HSP90AA1: variants seen among roughly 807,000 people sequenced by gnomAD.
The protein encoded by HSP90AA1 is heat shock protein HSP 90-alpha.
A neutral mutation model predicts 73.3 loss-of-function variants in HSP90AA1; 18 were observed. The observed-to-expected ratio is 0.25, with a 90% CI of 0.17 to 0.36. HSP90AA1 has a LOEUF of 0.36. HSP90AA1 is among the 10% of genes least tolerant of loss of function. The pLI is 1.00. For synonymous variants in HSP90AA1, 477 were observed against 296.9 expected (o/e 1.61, Z -6.24); for missense variants, 704 against 874.2 (o/e 0.81, Z 2.45).
chr14:102,135,213 C>T (rs1461706308), intron 1 of HSP90AA1, among the ~76,000 whole-genome samples: 1 of 152,034 alleles, frequency 6.6e-6, no homozygotes, highest in East Asian at 1.9e-4. Flanking sequence ...CAGCTAGATA[C>T]AGAGTGTGGA....
intron 1 of HSP90AA1, among the ~76,000 whole-genome samples, chr14:102,111,681 T>C (rs1190761766): frequency 6.6e-6 from 1 of 152,236 alleles, no homozygotes; most frequent in East Asian, 1.9e-4. Flanking sequence ...GGTTTAGTTA[T>C]AAGCTGGAAT....
chr14:102,113,281 C>T (rs1192299050), intron 1 of HSP90AA1, among the ~76,000 whole-genome samples: 1 of 152,122 alleles, frequency 6.6e-6, no homozygotes, highest in East Asian at 1.9e-4. Flanking sequence ...GCCTTGGCCT[C>T]CCAAAGTACT....
At chr14:102,085,629 G>A in intron 3 of HSP90AA1, 129 bp downstream of exon 3, 1 of 1,413,454 alleles carries the variant, frequency 7.1e-7, no homozygotes, top group Non-Finnish European at 9.9e-7. Context: ...CTAATTAAGT[G>A]CTCTAGCTTG....
intron 1 of HSP90AA1, among the ~76,000 whole-genome samples, chr14:102,137,062 A>AG (rs1338391878): frequency 1.3e-5 from 2 of 151,976 alleles, no homozygotes; most frequent in Admixed American, 6.6e-5. Flanking sequence ...AAAAATACAA[A>AG]AATTAGCTGG....
intron 2 of HSP90AA1, among the ~76,000 whole-genome samples, chr14:102,093,205 T>C (rs1014033581): frequency 6.7e-6 from 1 of 148,590 alleles, no homozygotes; most frequent in African/African-American, 2.5e-5. Flanking sequence ...AAAAAATATA[T>C]ATATATATAT....
At chr14:102,107,185 C>T (rs977805933) in intron 1 of HSP90AA1, among the ~76,000 whole-genome samples, 1 of 151,944 alleles carries the variant, frequency 6.6e-6, no homozygotes, top group Admixed American at 6.6e-5. Context: ...TTTAAGGAGG[C>T]GAGGGTGGGG....
intron 10 of HSP90AA1, 78 bp downstream of exon 10, chr14:102,082,033 G>T: frequency 9.5e-7 from 1 of 1,053,008 alleles, no homozygotes; most frequent in Non-Finnish European, 1.5e-6. Flanking sequence ...TCCAAGTTTG[G>T]ATAACTGAAA....
intron 1 of HSP90AA1, among the ~76,000 whole-genome samples, chr14:102,106,668 C>T (rs1180896942): frequency 5.3e-5 from 8 of 151,302 alleles, no homozygotes; most frequent in East Asian, 3.9e-4. Flanking sequence ...CTCAGCCTCC[C>T]GAGTAGCTGA....
chr14:102,133,482 GTTCT>G (rs1203438968), intron 1 of HSP90AA1, among the ~76,000 whole-genome samples: 50 of 98,818 alleles, frequency 5.1e-4, no homozygotes, highest in African/African-American at 1.7e-3. Context: ...ATTTAAACTA[GTTCT>G]TTTTTTTTTT....
intron 1 of HSP90AA1, among the ~76,000 whole-genome samples, chr14:102,114,001 C>T (rs368342625): frequency 6.6e-6 from 1 of 152,000 alleles, no homozygotes; most frequent in African/African-American, 2.4e-5. Flanking sequence ...TGAGCCACTG[C>T]ACCCCGCCCC....
intron 2 of HSP90AA1, among the ~76,000 whole-genome samples, chr14:102,098,711 C>T (rs750682966): frequency 2.6e-5 from 4 of 151,656 alleles, no homozygotes; most frequent in Non-Finnish European, 5.9e-5. Flanking sequence ...ATCTGCCTGC[C>T]TTGGTCCCCC....
At chr14:102,102,978 AGACTAGC>A (rs2049514436) in intron 1 of HSP90AA1, among the ~76,000 whole-genome samples, 1 of 152,056 alleles carries the variant, frequency 6.6e-6, no homozygotes, top group South Asian at 2.1e-4. Context: ...CAGGAGTTTG[AGACTAGC>A]CTGGCCAACA....
intron 1 of HSP90AA1, among the ~76,000 whole-genome samples, chr14:102,112,223 G>A (rs1039590378): frequency 6.6e-6 from 1 of 152,052 alleles, no homozygotes; most frequent in Admixed American, 6.6e-5. Context: ...CCCAGACTGG[G>A]GTGCACTGGC....
chr14:102,122,815 CT>C (rs1566734875), intron 1 of HSP90AA1, among the ~76,000 whole-genome samples: 1 of 150,382 alleles, frequency 6.6e-6, no homozygotes, highest in Admixed American at 6.6e-5. Context: ...TTACAGGTGC[CT>C]GCCACCATGC....
At chr14:102,104,936 C>T (rs1301173007) in intron 1 of HSP90AA1, among the ~76,000 whole-genome samples, 3 of 151,248 alleles carry the variant, frequency 2.0e-5, no homozygotes, top group Non-Finnish European at 4.4e-5. Flanking sequence ...CAGTGGCTCA[C>T]ACCTGTAATC....
intron 1 of HSP90AA1, among the ~76,000 whole-genome samples, chr14:102,116,259 G>A (rs528264272): frequency 2.0e-4 from 30 of 152,154 alleles, no homozygotes; most frequent in African/African-American, 7.0e-4. Context: ...GGCCAAGACC[G>A]AGCATCTTTT....
At chr14:102,130,582 C>T (rs1025859028) in intron 1 of HSP90AA1, among the ~76,000 whole-genome samples, 1 of 152,156 alleles carries the variant, frequency 6.6e-6, no homozygotes, top group African/African-American at 2.4e-5. Context: ...ATTTGTGTAA[C>T]TTTGCAGAAA....
upstream of HSP90AA1, among the ~76,000 whole-genome samples, chr14:102,088,907 CTTTT>C (rs887578558): frequency 1.7e-3 from 96 of 55,166 alleles, no homozygotes; most frequent in East Asian, 0.01. Context: ...TTTTTCTTTT[CTTTT>C]TTTTTTTTTT....
intron 2 of HSP90AA1, among the ~76,000 whole-genome samples, chr14:102,100,141 T>C (rs559866124): frequency 6.6e-6 from 1 of 152,124 alleles, no homozygotes; most frequent in African/African-American, 2.4e-5. Context: ...TAAGCTGAGA[T>C]TGTGCCACGG....
Sources: gnomAD v4.1 joint callset for allele counts (sites outside exome capture counted in the v4.1 genomes callset) on GRCh38, gnomAD v4.1.1 for gene constraint, MANE v1.5 for transcripts, NCBI Gene and HGNC (gene_info 2026-07-23, HGNC 2026-07-21) for gene names.